FNDC3A: variants seen among roughly 807,000 people sequenced by gnomAD.
The protein encoded by FNDC3A is fibronectin type III domain containing 3A, also known as fibronectin type-III domain-containing protein 3A.
A neutral mutation model predicts 148.9 loss-of-function variants in FNDC3A; 32 were observed. The observed-to-expected ratio is 0.21, with a 90% CI of 0.16 to 0.29. The LOEUF (loss-of-function observed/expected upper bound fraction) is 0.29, where lower values mean the gene tolerates loss of function less well. Among genes scored for constraint, FNDC3A ranks in the 10% least tolerant of loss-of-function variants. The pLI, the probability that FNDC3A is intolerant of heterozygous loss-of-function variation, is 1.00. For synonymous variants in FNDC3A, 472 were observed against 473.6 expected (o/e 1.00, Z 0.04); for missense variants, 1,191 against 1,452.8 (o/e 0.82, Z 2.93).
intron 8 of FNDC3A, among the ~76,000 whole-genome samples, chr13:49,162,164 G>A (rs905317537): frequency 4.6e-5 from 7 of 152,126 alleles, no homozygotes; most frequent in Non-Finnish European, 7.4e-5. Flanking sequence ...GCCTTGCTAG[G>A]TTGGGGAAGT....
chr13:48,977,810 CACT>C (rs1375113698), intron 1 of FNDC3A, among the ~76,000 whole-genome samples: 3 of 152,092 alleles, frequency 2.0e-5, no homozygotes, highest in African/African-American at 4.8e-5. Context: ...AATTTTTTAG[CACT>C]ACTACATTAA....
At chr13:49,174,935 A>T (rs994759022) in intron 12 of FNDC3A, among the ~76,000 whole-genome samples, 1 of 152,190 alleles carries the variant, frequency 6.6e-6, no homozygotes, top group Non-Finnish European at 1.5e-5. Context: ...GAGTCATTGA[A>T]ATTATTTTTG....
At chr13:49,107,088 C>A (rs78473598) in intron 3 of FNDC3A, among the ~76,000 whole-genome samples, 3 of 152,184 alleles carry the variant, frequency 2.0e-5, no homozygotes, top group Admixed American at 1.3e-4. Flanking sequence ...TTGGTATGAT[C>A]TGTTTCTTGG....
chr13:48,989,999 C>G (rs1200226063), intron 1 of FNDC3A, among the ~76,000 whole-genome samples: 2 of 152,064 alleles, frequency 1.3e-5, no homozygotes, highest in African/African-American at 4.8e-5. Flanking sequence ...ATCCGCCCAC[C>G]TTCGCCTCCC....
chr13:49,193,616 CTA>C (rs1471652837), intron 19 of FNDC3A, among the ~76,000 whole-genome samples: 1 of 152,096 alleles, frequency 6.6e-6, no homozygotes, highest in Non-Finnish European at 1.5e-5. Flanking sequence ...GTCTGTAAGT[CTA>C]TACTATTAAA....
intron 2 of FNDC3A, chr13:49,046,147 A>G (rs1875388291): frequency 6.4e-6 from 1 of 157,244 alleles, no homozygotes; most frequent in South Asian, 1.9e-4. Flanking sequence ...ACTTCATGTA[A>G]AGTATCAGAA....
At chr13:48,980,578 A>G (rs929273934) in intron 1 of FNDC3A, among the ~76,000 whole-genome samples, 2 of 152,190 alleles carry the variant, frequency 1.3e-5, no homozygotes, top group Admixed American at 1.3e-4. Flanking sequence ...GATTTTTTTA[A>G]GATAAGTTAT....
intron 14 of FNDC3A, among the ~76,000 whole-genome samples, chr13:49,179,520 C>A (rs948866007): frequency 6.6e-6 from 1 of 152,140 alleles, no homozygotes; most frequent in African/African-American, 2.4e-5. Context: ...TTGCCTAAAT[C>A]AATTATTACC....
intron 1 of FNDC3A, among the ~76,000 whole-genome samples, chr13:49,003,826 GT>G (rs1215917190): frequency 6.6e-6 from 1 of 152,084 alleles, no homozygotes; most frequent in Non-Finnish European, 1.5e-5. Flanking sequence ...GTCTGCAACT[GT>G]TTATTTAATG....
At position 49,073,734 on chromosome 13, in the gene FNDC3A, A is replaced by G. The variant is rs569035727; in HGVS notation, c.100-1555A>G. 9.5e-4 allele frequency among the ~76,000 whole-genome samples: 139 copies of G among 146,506 alleles called. 1 individual carries two copies. The highest frequency in any genetic ancestry group is 3.1e-3 in the African/African-American group (123 of 40,084). On this transcript the variant is annotated intron_variant, in intron 2 of 25. Transcript: ENST00000492622. ...ATATGTGTATATATAATATATATGT[A>G]TATATAATATATGTGTATATATAAT... is the stretch of plus-strand genomic sequence containing the variant.
In FNDC3A at chr13:49,120,057, C is replaced by CT. The variant is rs200175311; in HGVS notation, c.252+5326_252+5327insT. ...TAATTGTCAGATTCACCAAGGTAGA[C>CT]ATGAAGGAAAAAATGTTAAGGGCAG... On this transcript the variant is annotated intron_variant, in intron 4 of 25. Coordinates refer to ENST00000492622, the MANE Select transcript of FNDC3A (RefSeq NM_001079673.2). Among the ~76,000 whole-genome samples, 1,447 of 152,044 alleles carry CT rather than the reference C, an allele frequency of 9.5e-3. 14 individuals carry two copies. The highest frequency in any genetic ancestry group is 0.023 in the African/African-American group (938 of 41,480).
At chr13:49,094,178 T>G (rs2137823489) in intron 3 of FNDC3A, among the ~76,000 whole-genome samples, 1 of 152,236 alleles carries the variant, frequency 6.6e-6, no homozygotes. Flanking sequence ...GAAAGAAATC[T>G]TCATCAATTG....
chr13:49,047,557 G>T (rs145378028), intron 2 of FNDC3A, among the ~76,000 whole-genome samples: 1 of 152,260 alleles, frequency 6.6e-6, no homozygotes, highest in East Asian at 1.9e-4. Context: ...GTGATGTTGA[G>T]CATTTTTCCA....
chr13:49,169,886 CTA>C (rs1482521841), intron 10 of FNDC3A, among the ~76,000 whole-genome samples: 1 of 152,102 alleles, frequency 6.6e-6, no homozygotes, highest in African/African-American at 2.4e-5. Flanking sequence ...AAAAGTATGA[CTA>C]ATTTTATTTC....
Position 49,203,258 on chromosome 13 carries a change from T to C in FNDC3A, c.3256T>C (p.Leu1086=). ...AGTTATTTACAGTCTTCAAGTTATG[T>C]TGGGAAAAGATTCAGAATTCAAACA... is the stretch of plus-strand genomic sequence containing the variant. ...DPVIYSLQVM[L]GKDSEFKQIY... The change falls in exon 25 of 26, where the codon TTG becomes CTG. Residue 1086 remains leucine (L), a synonymous_variant. Coordinates refer to ENST00000492622, the MANE Select transcript of FNDC3A (RefSeq NM_001079673.2). The C allele has an allele frequency of 1.2e-6, 2 of 1,608,752 alleles. No individual in the cohort carries two copies. Among genetic ancestry groups the C allele is most frequent in the Non-Finnish European group, 8.5e-7 (1 of 1,175,582 alleles).
intron 3 of FNDC3A, among the ~76,000 whole-genome samples, chr13:49,096,874 A>G (rs534215479): frequency 6.6e-6 from 1 of 152,244 alleles, no homozygotes; most frequent in East Asian, 1.9e-4. Context: ...GGAAAATATG[A>G]TGCTTGAAGA....
intron 3 of FNDC3A, among the ~76,000 whole-genome samples, chr13:49,109,652 G>T (rs1165622066): frequency 6.6e-6 from 1 of 152,160 alleles, no homozygotes; most frequent in African/African-American, 2.4e-5. Context: ...ACCTGAGGCT[G>T]TCTTTTCAGA....
chr13:49,067,974 G>A (rs1877377202), intron 2 of FNDC3A, among the ~76,000 whole-genome samples: 1 of 151,972 alleles, frequency 6.6e-6, no homozygotes, highest in Non-Finnish European at 1.5e-5. Context: ...AGATTTGTTA[G>A]AATCATTAAA....
Position 49,172,040 on chromosome 13 carries a change from T to C in FNDC3A, c.1177-3T>C. On this transcript the variant is annotated splice_polypyrimidine_tract_variant and splice_region_variant and intron_variant, in intron 10 of 25. Coordinates refer to ENST00000492622, the MANE Select transcript of FNDC3A (RefSeq NM_001079673.2). ...TCATTTTGTTTTTTGGTGTTGGTTT[T>C]AGGCACCTAGTGACAATGGTTCTAA... is the stretch of plus-strand genomic sequence containing the variant. 6.2e-7 allele frequency: 1 copy of C among 1,602,852 alleles called. No homozygotes were observed. The highest frequency in any genetic ancestry group is 8.5e-7 in the Non-Finnish European group (1 of 1,173,378).
Sources: allele counts gnomAD v4.1 joint callset (sites outside exome capture counted in the v4.1 genomes callset), GRCh38; gene constraint gnomAD v4.1.1; transcripts MANE v1.5; gene names NCBI Gene and HGNC (gene_info 2026-07-23, HGNC 2026-07-21).